PIGZ: variants seen among roughly 807,000 people sequenced by gnomAD.
The protein encoded by PIGZ is GPI alpha-1,2-mannosyltransferase 4.
In PIGZ, 16 loss-of-function variants were observed where a neutral mutation model predicts 16.4. That is an observed-to-expected ratio of 0.97 (90% CI 0.66 to 1.48). PIGZ has a LOEUF of 1.48. Among genes scored for constraint, PIGZ ranks in the 40% most tolerant of loss-of-function variants. The pLI, the probability that PIGZ is intolerant of heterozygous loss-of-function variation, is 0.00. For missense variants in PIGZ, 770 were observed against 739.2 expected, an observed-to-expected ratio of 1.04 and a Z score of -0.48; for synonymous variants, 409 against 338.4, an observed-to-expected ratio of 1.21 and a Z score of -2.29.
At chr3:196,950,633 G>A (rs554344541) in intron 2 of PIGZ, among the ~76,000 whole-genome samples, 13 of 152,274 alleles carry the variant, frequency 8.5e-5, no homozygotes, top group Non-Finnish European at 1.6e-4. Flanking sequence ...AAAAAACGAC[G>A]TGAGGGAAAG....
At chr3:196,955,758 T>C (rs1717460004) in intron 1 of PIGZ, among the ~76,000 whole-genome samples, 1 of 151,852 alleles carries the variant, frequency 6.6e-6, no homozygotes, top group Admixed American at 6.6e-5. Flanking sequence ...TTTGTATTTT[T>C]AGTAGAGACG....
At chr3:196,949,907 A>T (rs892030534) in intron 2 of PIGZ, among the ~76,000 whole-genome samples, 23 of 152,080 alleles carry the variant, frequency 1.5e-4, no homozygotes, top group African/African-American at 5.5e-4. Flanking sequence ...TTATCAGGAG[A>T]TGGGGGGAGA....
At chr3:196,966,489 T>A (rs919276233) in intron 1 of PIGZ, among the ~76,000 whole-genome samples, 1 of 152,262 alleles carries the variant, frequency 6.6e-6, no homozygotes, top group Non-Finnish European at 1.5e-5. Flanking sequence ...TGATTATTTC[T>A]CTGCCCTGCT....
intron 1 of PIGZ, among the ~76,000 whole-genome samples, chr3:196,961,397 A>C (rs1717718006): frequency 6.6e-6 from 1 of 152,164 alleles, no homozygotes; most frequent in Admixed American, 6.5e-5. Context: ...TTTGCATAAA[A>C]CATTTAGTTG....
At chr3:196,962,111 A>G (rs1318870542) in intron 1 of PIGZ, among the ~76,000 whole-genome samples, 2 of 152,206 alleles carry the variant, frequency 1.3e-5, no homozygotes, top group African/African-American at 4.8e-5. Context: ...AAGAAACTCC[A>G]TTTTGATCTG....
At chr3:196,961,749 G>A (rs1314863346) in intron 1 of PIGZ, among the ~76,000 whole-genome samples, 1 of 152,194 alleles carries the variant, frequency 6.6e-6, no homozygotes, top group Non-Finnish European at 1.5e-5. Context: ...ACTGAGAAGT[G>A]TCTGTATTTT....
At chr3:196,952,978 C>T (rs2108905649) in intron 1 of PIGZ, among the ~76,000 whole-genome samples, 1 of 152,272 alleles carries the variant, frequency 6.6e-6, no homozygotes, top group South Asian at 2.1e-4. Context: ...AGCTCTCAGG[C>T]CGTCGGACTA....
Position 196,948,903 on chromosome 3 carries a change from CCCCTCCCCTCCCTT to C in PIGZ, c.212-232_212-219del, listed in dbSNP as rs1560180879. ...TCCCTTCCTTCCCCTTCCTTCCCTT[CCCCTCCCCTCCCTT>C]CCCTTCCTTCCCTTTACTTCCCTTC... is the stretch of plus-strand genomic sequence containing the variant. On this transcript the variant is annotated intron_variant, in intron 2 of 2. Transcript: ENST00000412723. Among the ~76,000 whole-genome samples the C allele has an allele frequency of 3.8e-4, 17 of 44,490 alleles. 2 individuals are homozygous for C. Among genetic ancestry groups the C allele is most frequent in the African/African-American group, 1.8e-3 (16 of 8,788 alleles). 29.2% of individuals were successfully genotyped at this position (44,490 alleles called of 152,430 possible).
intron 2 of PIGZ, 70 bp downstream of exon 2, chr3:196,951,751 C>T: frequency 6.7e-7 from 1 of 1,487,934 alleles, no homozygotes; most frequent in Non-Finnish European, 9.3e-7. Context: ...TCCCTCCCCA[C>T]AAAGTCTCCC....
intron 1 of PIGZ, among the ~76,000 whole-genome samples, chr3:196,955,218 G>T (rs1018144042): frequency 2.6e-5 from 4 of 152,148 alleles, no homozygotes; most frequent in Non-Finnish European, 1.5e-5. Flanking sequence ...GAGCCACCTT[G>T]CCTGGCCCAA....
In PIGZ at chr3:196,946,846, G is replaced by T. The variant is rs1716899997; in HGVS notation, c.*311C>A. On this transcript the variant is annotated 3_prime_UTR_variant, in exon 3 of 3. Transcript: ENST00000412723. ...GTTCATTGTCTTTTTTCACAACCAG[G>T]TACTATCACATATTTCAAACATCAC... The T allele has an allele frequency of 3.4e-6, 1 of 297,728 alleles. No homozygotes were observed. The highest frequency in any genetic ancestry group is 6.2e-5 in the East Asian group (1 of 16,218). 18.4% of individuals were successfully genotyped at this position (297,728 alleles called of 1,614,324 possible).
chr3:196,951,589 C>G (rs1717285080), intron 2 of PIGZ: 3 of 580,010 alleles, frequency 5.2e-6, no homozygotes, highest in African/African-American at 3.7e-5. Context: ...AGGGATACAT[C>G]AAAGAGACTG....
intron 1 of PIGZ, among the ~76,000 whole-genome samples, chr3:196,963,994 A>T (rs1046383299): frequency 5.9e-5 from 9 of 152,180 alleles, no homozygotes; most frequent in African/African-American, 1.4e-4. Context: ...GGAATAGTAT[A>T]ACAATAATAA....
chr3:196,954,654 G>T (rs1717412355), intron 1 of PIGZ, among the ~76,000 whole-genome samples: 1 of 152,180 alleles, frequency 6.6e-6, no homozygotes, highest in African/African-American at 2.4e-5. Flanking sequence ...TCTATGAGAA[G>T]TGTTGAAGGC....
At chr3:196,961,615 T>G (rs1717725706) in intron 1 of PIGZ, among the ~76,000 whole-genome samples, 1 of 151,994 alleles carries the variant, frequency 6.6e-6, no homozygotes. Flanking sequence ...TCATGTCACA[T>G]AAAAAAACAA....
intron 2 of PIGZ, among the ~76,000 whole-genome samples, chr3:196,951,301 T>C (rs1361791888): frequency 6.6e-6 from 1 of 152,096 alleles, no homozygotes; most frequent in Non-Finnish European, 1.5e-5. Flanking sequence ...CACATGCCCA[T>C]CACATCTGAA....
intron 2 of PIGZ, among the ~76,000 whole-genome samples, chr3:196,948,966 C>CTTCCCTTTTCTTCT: frequency 2.6e-5 from 1 of 38,378 alleles, no homozygotes; most frequent in Non-Finnish European, 4.4e-5. Context: ...CCCTTCCTTC[C>CTTCCCTTTTCTTCT]CTTCCCCTCC....
At chr3:196,968,333 C>T (rs1477834228) in intron 1 of PIGZ, among the ~76,000 whole-genome samples, 3 of 152,220 alleles carry the variant, frequency 2.0e-5, no homozygotes, top group Non-Finnish European at 4.4e-5. Context: ...TTATGGGCCT[C>T]CCTGAGAACA....
rs768015105 is a variant in PIGZ at position 196,948,528 on chromosome 3, A to G, written c.369T>C (p.Tyr123=). The G allele has an allele frequency of 2.5e-6, 4 of 1,611,028 alleles. No homozygotes were observed. Among genetic ancestry groups the G allele is most frequent in the Non-Finnish European group, 3.4e-6 (4 of 1,178,716 alleles). Residue 123 remains tyrosine (Y), a synonymous_variant, in exon 3 of 3, where the codon TAT becomes TAC. Coordinates refer to ENST00000412723, the MANE Select transcript of PIGZ (RefSeq NM_025163.4). ...GGAGTCGAGGCCCCACCAGCAGCGC[A>G]TAGCCGCTCACCAGGCCAGGCCACG... ...LGPWPGLVSG[Y]ALLVGPRLLL... is the part of the protein sequence containing the mutation.
Sources: allele counts gnomAD v4.1 joint callset (sites outside exome capture counted in the v4.1 genomes callset), GRCh38; gene constraint gnomAD v4.1.1; transcripts MANE v1.5; gene names NCBI Gene and HGNC (gene_info 2026-07-23, HGNC 2026-07-21).